SLC25A40: variants seen among roughly 807,000 people sequenced by gnomAD.
The protein encoded by SLC25A40 is solute carrier family 25 member 40.
A neutral mutation model predicts 46.5 loss-of-function variants in SLC25A40; 41 were observed. That is an observed-to-expected ratio of 0.88 (90% CI 0.69 to 1.14). SLC25A40 has a LOEUF of 1.14. SLC25A40 is among the 50% of genes most tolerant of loss of function. SLC25A40 has a pLI of 0.00. For missense variants in SLC25A40, 386 were observed against 393.6 expected (o/e 0.98, Z 0.16); for synonymous variants, 126 against 127.5 (o/e 0.99, Z 0.08).
intron 5 of SLC25A40, among the ~76,000 whole-genome samples, chr7:87,850,433 G>C (rs1838490012): frequency 6.6e-6 from 1 of 152,078 alleles, no homozygotes; most frequent in Admixed American, 6.6e-5. Context: ...CTAAGGATTT[G>C]AATATATATT....
chr7:87,856,192 C>A (rs1281857303), intron 4 of SLC25A40, 100 bp downstream of exon 4: 2 of 1,066,582 alleles, frequency 1.9e-6, no homozygotes, highest in Non-Finnish European at 1.4e-6. Flanking sequence ...AAAGAGGCAT[C>A]AATTTTAATA....
At chr7:87,843,623 G>T in intron 9 of SLC25A40, 131 bp downstream of exon 9, 2 of 583,690 alleles carry the variant, frequency 3.4e-6, no homozygotes, top group South Asian at 2.3e-5. Context: ...AAAATAGATG[G>T]AAAATACTTA....
chr7:87,841,469 T>G (rs1037032199), intron 10 of SLC25A40, among the ~76,000 whole-genome samples, 164 bp downstream of exon 10: 1 of 151,756 alleles, frequency 6.6e-6, no homozygotes, highest in Admixed American at 6.6e-5. Flanking sequence ...TTTTGTTTAG[T>G]TTTTCTGGGT....
rs1319018988 is a variant in SLC25A40 at position 87,835,478 on chromosome 7, AATACT to A, written c.*766_*770del. The stretch of plus-strand genomic sequence containing the variant: ...TGTGCAAACTATTTTTACCAGTCTA[AATACT>A]ATATGGTTTACCACTGAACACCCAA... On this transcript the variant is annotated 3_prime_UTR_variant, in exon 12 of 12. Coordinates refer to ENST00000341119, the MANE Select transcript of SLC25A40 (RefSeq NM_018843.4). 2.6e-5 allele frequency: 4 copies of A among 151,596 alleles called. No homozygotes were observed. Among genetic ancestry groups the A allele is most frequent in the Admixed American group, 6.6e-5 (1 of 15,136 alleles). The allele number at this position is 151,596 out of a possible 1,614,324, so 9.4% of individuals were successfully genotyped here.
At chr7:87,841,463 G>C (rs1373568284) in intron 10 of SLC25A40, among the ~76,000 whole-genome samples, 170 bp downstream of exon 10, 2 of 151,460 alleles carry the variant, frequency 1.3e-5, no homozygotes, top group East Asian at 3.9e-4. Flanking sequence ...TTTTGTTTTT[G>C]TTTAGTTTTT....
chr7:87,843,677 A>G, intron 9 of SLC25A40, 77 bp downstream of exon 9: 1 of 1,058,822 alleles, frequency 9.4e-7, no homozygotes. Context: ...CTCAATATAC[A>G]TGAGATGCTA....
chr7:87,861,920 T>A (rs1407287789), intron 1 of SLC25A40, among the ~76,000 whole-genome samples: 1 of 152,136 alleles, frequency 6.6e-6, no homozygotes, highest in East Asian at 1.9e-4. Flanking sequence ...TATACTATTT[T>A]AGAAAAATAA....
chr7:87,843,832 C>A lies in SLC25A40; in HGVS notation c.663G>T (p.Lys221Asn). The change falls in exon 9 of 12, where the codon AAG (lysine) becomes AAT (asparagine). Residue 221 changes from lysine to asparagine, a missense_variant. Transcript: ENST00000341119. ...AMYWYNYEILKKWLCEKSGLY... is the reference protein window; with the variant it reads ...AMYWYNYEILNKWLCEKSGLY... ...AACCAGATTTCTCACATAACCACTT[C>A]TTTAAAATTTCATAGTTATACCAGT... is the stretch of plus-strand genomic sequence containing the variant. 1.2e-6 allele frequency: 2 copies of A among 1,609,374 alleles called. No individual in the cohort carries two copies. The highest frequency in any genetic ancestry group is 1.7e-6 in the Non-Finnish European group (2 of 1,176,752).
At chr7:87,870,003 A>G (rs1280933319) in intron 1 of SLC25A40, among the ~76,000 whole-genome samples, 1 of 152,170 alleles carries the variant, frequency 6.6e-6, no homozygotes, top group Admixed American at 6.5e-5. Flanking sequence ...GAATATATGA[A>G]TCGTGAAATC....
chr7:87,856,404 G>A (rs757582923), intron 3 of SLC25A40, 53 bp from the exon 4 acceptor site: 1 of 1,307,890 alleles, frequency 7.6e-7, no homozygotes, highest in Non-Finnish European at 1.1e-6. Flanking sequence ...AAATTGGATA[G>A]ATGTTTTACA....
At chr7:87,862,514 A>G (rs1838722410) in intron 1 of SLC25A40, among the ~76,000 whole-genome samples, 1 of 152,220 alleles carries the variant, frequency 6.6e-6, no homozygotes, top group African/African-American at 2.4e-5. Flanking sequence ...TCACTTAACC[A>G]GGAGATTAAT....
At chr7:87,846,751 AAAAC>A (rs1838427984) in intron 8 of SLC25A40, among the ~76,000 whole-genome samples, 194 bp downstream of exon 8, 1 of 152,206 alleles carries the variant, frequency 6.6e-6, no homozygotes, top group African/African-American at 2.4e-5. Flanking sequence ...CAAGGAAAAA[AAAAC>A]AAGCTTGAAT....
chr7:87,849,565 C>T (rs1457787403), intron 6 of SLC25A40, among the ~76,000 whole-genome samples: 1 of 152,228 alleles, frequency 6.6e-6, no homozygotes, highest in Non-Finnish European at 1.5e-5. Flanking sequence ...AGGATAAGCA[C>T]ATCCTGTGCA....
Position 87,835,040 on chromosome 7 carries a change from A to T in SLC25A40, c.*1209T>A, listed in dbSNP as rs1838237606. 1 of 151,470 alleles carries T rather than the reference A, an allele frequency of 6.6e-6. No homozygotes were observed. Among genetic ancestry groups the T allele is most frequent in the Non-Finnish European group, 1.5e-5 (1 of 67,582 alleles). 9.4% of individuals were successfully genotyped at this position (151,470 alleles called of 1,614,324 possible). A position where few individuals can be genotyped will look rare whatever the true frequency, so the allele number is the denominator to read the frequency against. ...TATATTCATTTTAGGGGAGAAAAAA[A>T]TGCTTCACATTTTTCTAAAATAAAG... On this transcript the variant is annotated 3_prime_UTR_variant, in exon 12 of 12. Transcript: ENST00000341119.
chr7:87,873,560 G>A (rs956659118), intron 1 of SLC25A40, among the ~76,000 whole-genome samples: 1 of 151,670 alleles, frequency 6.6e-6, no homozygotes, highest in African/African-American at 2.4e-5. Context: ...AGCCTCCTGA[G>A]TAGCTGGGGT....
At chr7:87,856,181 T>C in intron 4 of SLC25A40, 111 bp downstream of exon 4, 1 of 967,394 alleles carries the variant, frequency 1.0e-6, no homozygotes, top group Non-Finnish European at 1.6e-6. Context: ...TTCATGAGGA[T>C]AAAGAGGCAT....
At position 87,875,642 on chromosome 7, in the gene SLC25A40, A is replaced by G. The variant is rs946250701; in HGVS notation, c.-94+454T>C. Among the ~76,000 whole-genome samples, 13 of 151,516 alleles carry G rather than the reference A, an allele frequency of 8.6e-5. No homozygotes were observed. The East Asian group carries it at 1.2e-3, about 14-fold the overall frequency. On this transcript the variant is annotated intron_variant, in intron 1 of 11. Transcript: ENST00000341119. ...TGATCTTTAATCTCTGTTTTACAGGAAAAAAAAATGAGATGTTACTTTCCA... is the reference window on the plus strand; with the variant it reads ...TGATCTTTAATCTCTGTTTTACAGGGAAAAAAAATGAGATGTTACTTTCCA...
rs1212929038 is a variant in SLC25A40 at position 87,833,813 on chromosome 7, T to A, written c.*2436A>T. The A allele has an allele frequency of 6.6e-6, 1 of 151,632 alleles. No individual in the cohort carries two copies. The highest frequency in any genetic ancestry group is 1.5e-5 in the Non-Finnish European group (1 of 67,842). The allele number at this position is 151,632 out of a possible 1,614,324, so 9.4% of individuals were successfully genotyped here. ...CCATTAGTTATTTTTCCTGTTCCTC[T>A]CCCTCCTCCCACCCTCCACCCTTTG... is the stretch of plus-strand genomic sequence containing the variant. On this transcript the variant is annotated 3_prime_UTR_variant, in exon 12 of 12. Coordinates refer to ENST00000341119, the MANE Select transcript of SLC25A40 (RefSeq NM_018843.4).
chr7:87,836,970 GTTA>G, intron 10 of SLC25A40, 160 bp from the exon 11 acceptor site: 2 of 356,720 alleles, frequency 5.6e-6, no homozygotes, highest in Middle Eastern at 7.4e-4. Flanking sequence ...ATTTTTAATA[GTTA>G]GATTCATTAA....
Sources: gnomAD v4.1 joint callset for allele counts (sites outside exome capture counted in the v4.1 genomes callset) on GRCh38, gnomAD v4.1.1 for gene constraint, MANE v1.5 for transcripts, NCBI Gene and HGNC (gene_info 2026-07-23, HGNC 2026-07-21) for gene names.